Variants in DEUP1 observed in about 807,000 individuals in gnomAD.
DEUP1 encodes the protein coiled-coil domain containing 67.
DEUP1 carries 82 observed loss-of-function variants against 87.4 expected under a neutral mutation model. The observed-to-expected ratio is 0.94, with a 90% CI of 0.78 to 1.13. The LOEUF (loss-of-function observed/expected upper bound fraction) is 1.13, where lower values mean the gene tolerates loss of function less well. DEUP1 is among the 50% of genes most tolerant of loss of function. The pLI, the probability that DEUP1 is intolerant of heterozygous loss-of-function variation, is 0.00. For missense variants in DEUP1, 663 were observed against 681.5 expected (o/e 0.97, Z 0.30); for synonymous variants, 214 against 222.7 (o/e 0.96, Z 0.35).
intron 13 of DEUP1, among the ~76,000 whole-genome samples, chr11:93,415,982 T>C (rs1307820872): frequency 6.6e-6 from 1 of 152,280 alleles, no homozygotes; most frequent in South Asian, 2.1e-4. Flanking sequence ...TTGGTGCATG[T>C]GTATATACAT....
chr11:93,339,772 C>T (rs996764975), intron 2 of DEUP1, among the ~76,000 whole-genome samples: 4 of 152,116 alleles, frequency 2.6e-5, no homozygotes, highest in East Asian at 1.9e-4. Flanking sequence ...CATCCCTACC[C>T]GTCCCAGCCA....
chr11:93,428,540 A>G (rs1948004643), intron 13 of DEUP1, among the ~76,000 whole-genome samples: 1 of 152,124 alleles, frequency 6.6e-6, no homozygotes, highest in African/African-American at 2.4e-5. Context: ...GCACATGTAT[A>G]CATATGTAAC....
At chr11:93,353,263 T>A (rs1944716242) in intron 2 of DEUP1, among the ~76,000 whole-genome samples, 1 of 152,146 alleles carries the variant, frequency 6.6e-6, no homozygotes, top group African/African-American at 2.4e-5. Flanking sequence ...CAAAATTATC[T>A]CCTATGACTT....
chr11:93,415,225 C>A (rs752262477), intron 13 of DEUP1, 111 bp downstream of exon 13: 1 of 604,470 alleles, frequency 1.7e-6, no homozygotes, highest in Non-Finnish European at 2.9e-6. Flanking sequence ...TAATCTCACT[C>A]CTTGAATAGG....
intron 2 of DEUP1, chr11:93,352,410 T>C: frequency 1.4e-6 from 1 of 702,360 alleles, no homozygotes; most frequent in Non-Finnish European, 2.6e-6. Flanking sequence ...AACTCTGTAG[T>C]GAGAGCACTT....
In DEUP1 at chr11:93,362,916, G is replaced by T. The variant is rs558572552; in HGVS notation, c.298-1244G>T. The stretch of plus-strand genomic sequence containing the variant: ...TCAATTTAAAATTATGAGGAAAAAA[G>T]CAGAAGTGGCTACTTTAATTAATCT... On this transcript the variant is annotated intron_variant, in intron 4 of 13. Transcript: ENST00000298050. Among the ~76,000 whole-genome samples, 9 of 151,928 alleles carry T rather than the reference G, an allele frequency of 5.9e-5. No homozygotes were observed. The South Asian group carries it at 1.9e-3, about 32-fold the overall frequency.
intron 11 of DEUP1, among the ~76,000 whole-genome samples, chr11:93,398,832 T>C (rs1947022225): frequency 6.6e-6 from 1 of 151,848 alleles, no homozygotes; most frequent in Non-Finnish European, 1.5e-5. Flanking sequence ...GCAATTCTCC[T>C]GCCTCAGCCT....
At chr11:93,380,777 A>C (rs1284496502) in intron 7 of DEUP1, among the ~76,000 whole-genome samples, 2 of 152,092 alleles carry the variant, frequency 1.3e-5, no homozygotes, top group Non-Finnish European at 2.9e-5. Context: ...TTATTTTTTT[A>C]CAAGTATTTG....
chr11:93,393,040 T>TC (rs1946818670), intron 9 of DEUP1, among the ~76,000 whole-genome samples: 5 of 109,908 alleles, frequency 4.5e-5, no homozygotes, highest in African/African-American at 1.4e-4. Flanking sequence ...TCCTCCTCCT[T>TC]CTACTTCTTT....
intron 13 of DEUP1, among the ~76,000 whole-genome samples, chr11:93,431,154 T>C (rs1948096375): frequency 6.8e-6 from 1 of 146,758 alleles, no homozygotes; most frequent in Non-Finnish European, 1.5e-5. Context: ...AATGCTGTGA[T>C]GAAAAGAAAA....
rs1403253342 is a variant in DEUP1, at chr11:93,419,038, G to T, written c.1638+3924G>T. On this transcript the variant is annotated intron_variant, in intron 13 of 13. Coordinates refer to ENST00000298050, the MANE Select transcript of DEUP1 (RefSeq NM_181645.4). ...CACACTCTGGGGACTGTTGTGGGGTGGCGGGAGGGGGGAGGGATAGCATTG... is the reference window on the plus strand; with the variant it reads ...CACACTCTGGGGACTGTTGTGGGGTTGCGGGAGGGGGGAGGGATAGCATTG... Among the ~76,000 whole-genome samples the T allele has an allele frequency of 2.1e-4, 31 of 150,256 alleles. 1 individual carries two copies. Among genetic ancestry groups the T allele is most frequent in the Admixed American group, 1.1e-3 (17 of 15,134 alleles).
chr11:93,349,367 A>G (rs1333065602), intron 2 of DEUP1, among the ~76,000 whole-genome samples: 1 of 151,844 alleles, frequency 6.6e-6, no homozygotes, highest in Non-Finnish European at 1.5e-5. Flanking sequence ...ATAAAAAAGA[A>G]ATAAGATTTT....
chr11:93,401,179 G>C (rs1196385898), intron 11 of DEUP1, among the ~76,000 whole-genome samples: 1 of 151,888 alleles, frequency 6.6e-6, no homozygotes, highest in African/African-American at 2.4e-5. Flanking sequence ...AATCAAGAAA[G>C]CAATCTCATT....
At chr11:93,388,940 T>C (rs1021176298) in intron 8 of DEUP1, 80 bp from the exon 9 acceptor site, 45 of 788,244 alleles carry the variant, frequency 5.7e-5, no homozygotes, top group Non-Finnish European at 8.7e-5. Flanking sequence ...CAGCCTGTAA[T>C]GGTCTAAATT....
intron 9 of DEUP1, among the ~76,000 whole-genome samples, chr11:93,393,990 G>A (rs137873567): frequency 6.6e-6 from 1 of 152,260 alleles, no homozygotes; most frequent in African/African-American, 2.4e-5. Flanking sequence ...GTGATTCTGA[G>A]AAACAAATGT....
At chr11:93,390,366 T>C (rs895938288) in intron 9 of DEUP1, among the ~76,000 whole-genome samples, 1 of 152,152 alleles carries the variant, frequency 6.6e-6, no homozygotes, top group East Asian at 1.9e-4. Context: ...CACAATAATA[T>C]GAAAGACAGG....
intron 13 of DEUP1, among the ~76,000 whole-genome samples, chr11:93,430,862 G>A (rs1004799183): frequency 4.6e-5 from 7 of 152,222 alleles, no homozygotes; most frequent in East Asian, 3.9e-4. Context: ...TTGGGAAGCC[G>A]AGGTGGTCAG....
chr11:93,344,020 C>T (rs1944205874), intron 2 of DEUP1, among the ~76,000 whole-genome samples: 1 of 151,880 alleles, frequency 6.6e-6, no homozygotes, highest in African/African-American at 2.4e-5. Flanking sequence ...TTTTGGATGA[C>T]AAAAAAGTGC....
chr11:93,381,864 TATC>T (rs1946319918), intron 7 of DEUP1, among the ~76,000 whole-genome samples: 1 of 152,142 alleles, frequency 6.6e-6, no homozygotes, highest in Non-Finnish European at 1.5e-5. Context: ...TCCAAAATAT[TATC>T]ATTCTAAAAT....
Sources: allele counts gnomAD v4.1 joint callset (sites outside exome capture counted in the v4.1 genomes callset), GRCh38; gene constraint gnomAD v4.1.1; transcripts MANE v1.5; gene names NCBI Gene and HGNC (gene_info 2026-07-23, HGNC 2026-07-21).